Variants in BIRC6 observed in about 807,000 individuals in gnomAD.
BIRC6 encodes baculoviral IAP repeat containing 6.
A neutral mutation model predicts 503.3 loss-of-function variants in BIRC6; 98 were observed. The ratio of observed to expected loss-of-function variants is 0.19; its 90% CI spans 0.17 to 0.23. The LOEUF (loss-of-function observed/expected upper bound fraction) is 0.23, where lower values mean the gene tolerates loss of function less well. Ranked by LOEUF, BIRC6 falls within the 10% of genes least tolerant of loss-of-function variation. The probability of loss-of-function intolerance (pLI) is 1.00; values close to 1 mark genes in which losing one functional copy is unlikely to be tolerated. For synonymous variants in BIRC6, 2,240 were observed against 2,078.7 expected, an observed-to-expected ratio of 1.08 and a Z score of -2.11; for missense variants, 5,360 against 5,806.0, an observed-to-expected ratio of 0.92 and a Z score of 2.50.
chr2:32,382,467 C>T (rs537784073), intron 3 of BIRC6, among the ~76,000 whole-genome samples: 7 of 152,344 alleles, frequency 4.6e-5, no homozygotes, highest in Non-Finnish European at 1.0e-4. Context: ...GCAAGTCTTT[C>T]TTCATCTTTC....
At chr2:32,400,777 G>T (rs1388901287) in intron 6 of BIRC6, among the ~76,000 whole-genome samples, 9 of 152,216 alleles carry the variant, frequency 5.9e-5, no homozygotes, top group South Asian at 2.1e-4. Flanking sequence ...TAGATATGGA[G>T]AATTTTAAAT....
intron 34 of BIRC6, 24 bp downstream of exon 34, chr2:32,476,368 A>G: frequency 1.9e-6 from 3 of 1,544,498 alleles, no homozygotes; most frequent in Non-Finnish European, 2.6e-6. Flanking sequence ...TTTTCAATAT[A>G]GTTATCTCAG....
chr2:32,558,252 TTAGA>T (rs1369452213), intron 65 of BIRC6, among the ~76,000 whole-genome samples: 2 of 152,212 alleles, frequency 1.3e-5, no homozygotes, highest in African/African-American at 4.8e-5. Flanking sequence ...CTGTATTTAC[TTAGA>T]TACTTAAAAA....
intron 45 of BIRC6, among the ~76,000 whole-genome samples, chr2:32,496,728 T>C (rs1328677763): frequency 2.0e-5 from 3 of 152,196 alleles, no homozygotes; most frequent in Non-Finnish European, 4.4e-5. Context: ...TTATTGATTT[T>C]CCAGAAAAAA....
chr2:32,549,531 A>AT, intron 65 of BIRC6, 50 bp downstream of exon 65: 3 of 1,277,090 alleles, frequency 2.3e-6, no homozygotes, highest in Non-Finnish European at 3.1e-6. Flanking sequence ...TTGTTTGCTT[A>AT]TTTTATCATT....
At chr2:32,602,593 C>A (rs1037705849) in intron 70 of BIRC6, 1 of 156,352 alleles carries the variant, frequency 6.4e-6, no homozygotes, top group Non-Finnish European at 1.4e-5. Flanking sequence ...TTGAATGTTA[C>A]CAACACTCAA....
chr2:32,378,565 C>T (rs1004377471), intron 2 of BIRC6, among the ~76,000 whole-genome samples: 1 of 151,804 alleles, frequency 6.6e-6, no homozygotes, highest in African/African-American at 2.4e-5. Context: ...TCAAGTGATT[C>T]TCTTGCCTCA....
chr2:32,568,716 C>T (rs13399071), intron 65 of BIRC6, among the ~76,000 whole-genome samples: 51,633 of 151,122 alleles, frequency 0.34, 9,282 homozygotes, highest in Non-Finnish European at 0.41. Context: ...TGGTGGCATG[C>T]ACCTGTAATC....
At chr2:32,406,742 A>G (rs2041264987) in intron 9 of BIRC6, among the ~76,000 whole-genome samples, 185 bp downstream of exon 9, 1 of 152,204 alleles carries the variant, frequency 6.6e-6, no homozygotes, top group Non-Finnish European at 1.5e-5. Context: ...AGTGTTCCAT[A>G]TTTAAAATTT....
chr2:32,500,253 C>T, intron 46 of BIRC6, 144 bp downstream of exon 46: 1 of 692,942 alleles, frequency 1.4e-6, no homozygotes, highest in Non-Finnish European at 2.3e-6. Context: ...TTGGTGAGGA[C>T]TTCTGTTTAG....
At chr2:32,419,558 A>C (rs559154641) in intron 10 of BIRC6, among the ~76,000 whole-genome samples, 3 of 152,310 alleles carry the variant, frequency 2.0e-5, no homozygotes, top group African/African-American at 7.2e-5. Context: ...GAAAGACTTA[A>C]ATGAGAAAGA....
In BIRC6 at chr2:32,505,767, G is replaced by A. The variant is rs149035809; in HGVS notation, c.9700+562G>A. Among the ~76,000 whole-genome samples the A allele has an allele frequency of 1.5e-4, 23 of 152,126 alleles. 1 individual carries two copies. In the East Asian group the frequency reaches 4.2e-3, roughly 28 times the overall value. On this transcript the variant is annotated intron_variant, in intron 50 of 73. Transcript: ENST00000421745. ...GAATACATTTTATTGAACTTTGTAA[G>A]GCAAATAATTCAAAATAATTTTTAC...
intron 16 of BIRC6, 80 bp downstream of exon 16, chr2:32,439,766 A>G (rs2148258225): frequency 1.6e-6 from 2 of 1,288,330 alleles, no homozygotes; most frequent in East Asian, 2.5e-5. Context: ...TAGAAGTAGT[A>G]TGACCTTTCA....
chr2:32,390,201 C>T (rs529851011), intron 4 of BIRC6, among the ~76,000 whole-genome samples: 55 of 149,550 alleles, frequency 3.7e-4, no homozygotes, highest in African/African-American at 1.1e-3. Context: ...GATGGAGTCT[C>T]GCTCTGTTGC....
intron 10 of BIRC6, among the ~76,000 whole-genome samples, chr2:32,421,207 A>G (rs1450370208): frequency 6.6e-6 from 1 of 151,054 alleles, no homozygotes; most frequent in Admixed American, 6.6e-5. Flanking sequence ...CCCAGGTTCA[A>G]GTGATTCTCC....
intron 66 of BIRC6, among the ~76,000 whole-genome samples, chr2:32,587,149 G>C (rs1159537387): frequency 6.6e-6 from 1 of 152,214 alleles, no homozygotes; most frequent in Non-Finnish European, 1.5e-5. Context: ...AGCACTTTGG[G>C]AGGCTGTGGC....
At chr2:32,416,986 G>C (rs1390429812) in intron 10 of BIRC6, among the ~76,000 whole-genome samples, 1 of 151,660 alleles carries the variant, frequency 6.6e-6, no homozygotes. Flanking sequence ...CAGGCACGTG[G>C]CACCATGCCC....
At chr2:32,531,231 A>G in intron 60 of BIRC6, 124 bp from the exon 61 acceptor site, 1 of 763,564 alleles carries the variant, frequency 1.3e-6, no homozygotes, top group Non-Finnish European at 2.0e-6. Context: ...ATATCTAAAT[A>G]AATGATGTTT....
At chr2:32,398,174 T>C (rs2040183134) in intron 6 of BIRC6, among the ~76,000 whole-genome samples, 2 of 151,968 alleles carry the variant, frequency 1.3e-5, no homozygotes, top group African/African-American at 2.4e-5. Context: ...AAATGGACCA[T>C]ACCCTAGTAA....
Sources: gnomAD v4.1 joint callset for allele counts (sites outside exome capture counted in the v4.1 genomes callset) on GRCh38, gnomAD v4.1.1 for gene constraint, MANE v1.5 for transcripts, NCBI Gene and HGNC (gene_info 2026-07-23, HGNC 2026-07-21) for gene names.